The following YEATS4 variants were observed in gnomAD, a reference collection of about 807,000 sequenced individuals.
YEATS4 encodes YEATS domain-containing protein 4.
YEATS4 carries 17 observed loss-of-function variants against 30.1 expected under a neutral mutation model. That is an observed-to-expected ratio of 0.56 (90% CI 0.39 to 0.85). The LOEUF is 0.85. Ranked by LOEUF, YEATS4 falls within the 40% of genes least tolerant of loss-of-function variation. YEATS4 has a pLI of 0.00. For synonymous variants in YEATS4, 85 were observed against 87.5 expected (o/e 0.97, Z 0.16); for missense variants, 142 against 268.3 (o/e 0.53, Z 3.29).
chr12:69,402,571 C>T, the YEATS4 span, among the ~76,000 whole-genome samples: 1 of 151,988 alleles, frequency 6.6e-6, no homozygotes, highest in Non-Finnish European at 1.5e-5. Flanking sequence ...GTCGTAGATC[C>T]TAAACTCTGC....
intron 6 of YEATS4, among the ~76,000 whole-genome samples, chr12:69,371,705 C>G (rs1445734731): frequency 2.6e-5 from 4 of 152,114 alleles, no homozygotes; most frequent in African/African-American, 7.2e-5. Flanking sequence ...ACAAAAAGCC[C>G]TATCGTCATG....
intron 1 of YEATS4, among the ~76,000 whole-genome samples, chr12:69,360,788 C>T (rs1277075632): frequency 6.6e-6 from 1 of 151,220 alleles, no homozygotes; most frequent in Admixed American, 6.6e-5. Context: ...CGTGAGCCAC[C>T]GCGCCCAGCC....
At chr12:69,389,001 A>G (rs936628381) in intron 6 of YEATS4, among the ~76,000 whole-genome samples, 9 of 152,176 alleles carry the variant, frequency 5.9e-5, no homozygotes, top group Admixed American at 4.6e-4. Context: ...AGTATTTGCC[A>G]TTATCATTTC....
the YEATS4 span, among the ~76,000 whole-genome samples, chr12:69,421,621 A>G: frequency 6.6e-6 from 1 of 152,190 alleles, no homozygotes; most frequent in South Asian, 2.1e-4. Flanking sequence ...TCTCATGACT[A>G]AGAAATCACC....
intron 6 of YEATS4, among the ~76,000 whole-genome samples, chr12:69,384,038 T>G (rs1156305124): frequency 6.6e-6 from 1 of 152,240 alleles, no homozygotes; most frequent in Non-Finnish European, 1.5e-5. Context: ...CATAAAACAC[T>G]TGATTAGGAC....
At chr12:69,366,361 TCA>T (rs1216095174) in intron 4 of YEATS4, among the ~76,000 whole-genome samples, 4 of 150,092 alleles carry the variant, frequency 2.7e-5, no homozygotes, top group Admixed American at 1.3e-4. Context: ...TCTCTTCTTA[TCA>T]GATTGTTGCT....
chr12:69,415,346 G>A, the YEATS4 span, among the ~76,000 whole-genome samples: 5 of 152,266 alleles, frequency 3.3e-5, no homozygotes, highest in South Asian at 2.1e-4. Context: ...AGGCCGAGGC[G>A]GGCAGATCAC....
At chr12:69,385,899 G>A (rs1183513739) in intron 6 of YEATS4, among the ~76,000 whole-genome samples, 1 of 152,114 alleles carries the variant, frequency 6.6e-6, no homozygotes, top group Non-Finnish European at 1.5e-5. Context: ...AGAAAGATTT[G>A]ATAACTTGCC....
the YEATS4 span, among the ~76,000 whole-genome samples, chr12:69,419,148 A>G: frequency 6.7e-6 from 1 of 148,668 alleles, no homozygotes; most frequent in Admixed American, 6.7e-5. Flanking sequence ...TCCTGTTCTC[A>G]GTCATCCTCC....
At chr12:69,399,958 G>C in the YEATS4 span, among the ~76,000 whole-genome samples, 1 of 152,314 alleles carries the variant, frequency 6.6e-6, no homozygotes, top group African/African-American at 2.4e-5. Context: ...ATTAGTGGTT[G>C]CCAGGAGATG....
intron 2 of YEATS4, chr12:69,364,149 G>A (rs1214278146): frequency 6.7e-6 from 3 of 447,488 alleles, no homozygotes; most frequent in Non-Finnish European, 1.3e-5. Context: ...ATGAGACTCT[G>A]TGAATATAAC....
the YEATS4 span, among the ~76,000 whole-genome samples, chr12:69,403,211 C>T: frequency 6.6e-6 from 1 of 152,084 alleles, no homozygotes; most frequent in Non-Finnish European, 1.5e-5. Context: ...TCTGTGAATT[C>T]AAAGTAAAAA....
chr12:69,413,229 A>G, the YEATS4 span, among the ~76,000 whole-genome samples: 1 of 152,124 alleles, frequency 6.6e-6, no homozygotes, highest in Admixed American at 6.5e-5. Context: ...TCTGGCCAAC[A>G]GAGTGAGACT....
intron 6 of YEATS4, among the ~76,000 whole-genome samples, chr12:69,389,355 C>T (rs181803578): frequency 1.3e-5 from 2 of 149,018 alleles, no homozygotes; most frequent in African/African-American, 2.5e-5. Context: ...GAGGTTGAGG[C>T]AGGAGAATTG....
chr12:69,375,435 A>C (rs1235794629), intron 6 of YEATS4, among the ~76,000 whole-genome samples: 1 of 147,160 alleles, frequency 6.8e-6, no homozygotes, highest in Admixed American at 6.8e-5. Context: ...GGCTGGGCAG[A>C]GGGGCTCCTC....
the YEATS4 span, among the ~76,000 whole-genome samples, chr12:69,426,425 C>T: frequency 6.6e-6 from 1 of 152,148 alleles, no homozygotes; most frequent in South Asian, 2.1e-4. Flanking sequence ...GGCTGGAGTA[C>T]AGTGGCGCCA....
Position 69,360,035 on chromosome 12 carries a change from G to C in YEATS4, c.51+12G>C. ...GCGGGAGAGTAAAGGTCAGTGCCCG[G>C]ACCGCCCCTCTTCCGGGGTGGCTCT... On this transcript the variant is annotated intron_variant, in intron 1 of 6. Coordinates refer to ENST00000247843, the MANE Select transcript of YEATS4 (RefSeq NM_006530.4). 3 of 1,612,324 alleles carry C rather than the reference G, an allele frequency of 1.9e-6. No homozygotes were observed. Among genetic ancestry groups the C allele is most frequent in the Non-Finnish European group, 1.7e-6 (2 of 1,179,180 alleles).
Position 69,362,013 on chromosome 12 carries a change from G to GTTTTTGTTT in YEATS4, c.52-770_52-769insGTTTTTTTT, listed in dbSNP as rs1555174243. 5.8e-4 allele frequency among the ~76,000 whole-genome samples: 40 copies of GTTTTTGTTT among 69,060 alleles called. 1 individual carries two copies. The highest frequency in any genetic ancestry group is 1.0e-3 in the South Asian group (2 of 1,974). The allele number at this position is 69,060 out of a possible 152,430, so 45.3% of individuals were successfully genotyped here. On this transcript the variant is annotated intron_variant, in intron 1 of 6. Transcript: ENST00000247843. ...TTTTTAAATTGTAGGGTGTTTGGTT[G>GTTTTTGTTT]TTTTTTTTTTTTTTTTTTTTTGGAG...
At chr12:69,403,594 A>T in the YEATS4 span, among the ~76,000 whole-genome samples, 1 of 151,952 alleles carries the variant, frequency 6.6e-6, no homozygotes, top group Admixed American at 6.6e-5. Context: ...AAAAAAAAGA[A>T]AAAAAGAGGG....
Sources: gnomAD v4.1 joint callset for allele counts (sites outside exome capture counted in the v4.1 genomes callset) on GRCh38, gnomAD v4.1.1 for gene constraint, MANE v1.5 for transcripts, NCBI Gene and HGNC (gene_info 2026-07-23, HGNC 2026-07-21) for gene names.